The following CDH20 variants were observed in gnomAD, a reference collection of about 807,000 sequenced individuals.
The protein encoded by CDH20 is cadherin-20.
In CDH20, 29 loss-of-function variants were observed where a neutral mutation model predicts 74.2. The ratio of observed to expected loss-of-function variants is 0.39; its 90% CI spans 0.29 to 0.53. The LOEUF is 0.53. Among genes scored for constraint, CDH20 ranks in the 20% least tolerant of loss-of-function variants. The pLI is 0.69. For missense variants in CDH20, 988 were observed against 1,048.3 expected (o/e 0.94, Z 0.79); for synonymous variants, 469 against 405.4 (o/e 1.16, Z -1.88).
chr18:61,463,427 C>A (rs1909855231), intron 1 of CDH20, among the ~76,000 whole-genome samples: 1 of 152,026 alleles, frequency 6.6e-6, no homozygotes, highest in African/African-American at 2.4e-5. Flanking sequence ...AGAGTGTAGT[C>A]AAGATTGTTG....
At chr18:61,339,044 T>C (rs74945060) in intron 1 of CDH20, among the ~76,000 whole-genome samples, 2,255 of 152,320 alleles carry the variant, frequency 0.015, 24 homozygotes, top group Middle Eastern at 0.031. Context: ...TTCTTGTTAC[T>C]TTGAATTATT....
At chr18:61,449,656 T>C (rs1909316017) in intron 1 of CDH20, among the ~76,000 whole-genome samples, 1 of 152,076 alleles carries the variant, frequency 6.6e-6, no homozygotes. Flanking sequence ...TTTAAGTTAA[T>C]GGAATCATAA....
chr18:61,387,659 T>C (rs1270726092), intron 1 of CDH20, among the ~76,000 whole-genome samples: 2 of 152,176 alleles, frequency 1.3e-5, no homozygotes, highest in African/African-American at 2.4e-5. Context: ...TTATTCTAAA[T>C]ATCTACAGAA....
intron 1 of CDH20, among the ~76,000 whole-genome samples, chr18:61,433,276 G>A (rs1338557330): frequency 6.6e-6 from 1 of 152,150 alleles, no homozygotes; most frequent in African/African-American, 2.4e-5. Context: ...TATGTGTTTA[G>A]TCAAACATCT....
At chr18:61,464,713 G>A (rs1422745379) in intron 1 of CDH20, among the ~76,000 whole-genome samples, 1 of 152,126 alleles carries the variant, frequency 6.6e-6, no homozygotes, top group Non-Finnish European at 1.5e-5. Flanking sequence ...AAGCCACAGG[G>A]GACTGAAAGC....
chr18:61,350,485 C>T (rs1910267839), intron 1 of CDH20, among the ~76,000 whole-genome samples: 2 of 151,998 alleles, frequency 1.3e-5, no homozygotes, highest in Non-Finnish European at 2.9e-5. Flanking sequence ...ACCCTTAATC[C>T]AAAGGAACCA....
intron 1 of CDH20, among the ~76,000 whole-genome samples, chr18:61,370,559 T>C (rs976412659): frequency 6.6e-6 from 1 of 152,138 alleles, no homozygotes; most frequent in Non-Finnish European, 1.5e-5. Context: ...ACATACATTG[T>C]GAATAATCAC....
chr18:61,363,671 T>G (rs1271625536), intron 1 of CDH20, among the ~76,000 whole-genome samples: 7 of 152,194 alleles, frequency 4.6e-5, no homozygotes, highest in African/African-American at 1.2e-4. Context: ...TTGTGCTACA[T>G]GCCAAAAGAG....
intron 1 of CDH20, among the ~76,000 whole-genome samples, chr18:61,362,998 T>C (rs2144138302): frequency 6.6e-6 from 1 of 152,268 alleles, no homozygotes; most frequent in South Asian, 2.1e-4. Context: ...TTAAATGTCC[T>C]GGAGAAGTTG....
At chr18:61,431,317 A>G (rs1913246585) in intron 1 of CDH20, among the ~76,000 whole-genome samples, 1 of 152,196 alleles carries the variant, frequency 6.6e-6, no homozygotes, top group Non-Finnish European at 1.5e-5. Context: ...AAGAAATATC[A>G]TGACTAAATG....
intron 10 of CDH20, among the ~76,000 whole-genome samples, chr18:61,545,458 T>C (rs1913214903): frequency 6.6e-6 from 1 of 151,976 alleles, no homozygotes; most frequent in Non-Finnish European, 1.5e-5. Flanking sequence ...CAGAGAACCC[T>C]TTGCCAACTC....
intron 1 of CDH20, among the ~76,000 whole-genome samples, chr18:61,361,817 T>C (rs1326144235): frequency 6.6e-6 from 1 of 152,192 alleles, no homozygotes; most frequent in African/African-American, 2.4e-5. Flanking sequence ...ACATAATAGA[T>C]TAGAAAATAA....
chr18:61,540,444 T>TGGGGAGGCCTCACAATCACGG (rs1912988829), intron 9 of CDH20, among the ~76,000 whole-genome samples: 1 of 152,088 alleles, frequency 6.6e-6, no homozygotes, highest in Non-Finnish European at 1.5e-5. Context: ...TCCACGTGGC[T>TGGGGAGGCCTCACAATCACGG]GGGGAGGCCT....
chr18:61,479,817 C>T (rs1425668208), intron 1 of CDH20, among the ~76,000 whole-genome samples: 1 of 152,144 alleles, frequency 6.6e-6, no homozygotes, highest in Non-Finnish European at 1.5e-5. Context: ...TAAGCAACTG[C>T]TATTCTGGGC....
intron 6 of CDH20, among the ~76,000 whole-genome samples, chr18:61,525,086 G>C (rs1049834924): frequency 6.6e-6 from 1 of 151,442 alleles, no homozygotes; most frequent in South Asian, 2.1e-4. Context: ...TTTGCCAGGG[G>C]CTGGGTGGGA....
intron 1 of CDH20, among the ~76,000 whole-genome samples, chr18:61,386,695 T>C (rs1911611091): frequency 6.6e-6 from 1 of 152,178 alleles, no homozygotes; most frequent in Admixed American, 6.5e-5. Context: ...GAAGAATGGT[T>C]CAATTAATTT....
At chr18:61,346,766 G>A (rs893815497) in intron 1 of CDH20, among the ~76,000 whole-genome samples, 1 of 152,216 alleles carries the variant, frequency 6.6e-6, no homozygotes, top group South Asian at 2.1e-4. Context: ...TTACAGTTGA[G>A]TAGGTGAGTG....
intron 1 of CDH20, among the ~76,000 whole-genome samples, chr18:61,412,059 GC>G (rs1209713233): frequency 6.7e-6 from 1 of 149,932 alleles, no homozygotes; most frequent in Non-Finnish European, 1.5e-5. Flanking sequence ...CACATTTATG[GC>G]AAAAAAAAAG....
intron 1 of CDH20, among the ~76,000 whole-genome samples, chr18:61,403,902 T>C (rs1912239264): frequency 6.6e-6 from 1 of 152,072 alleles, no homozygotes; most frequent in Non-Finnish European, 1.5e-5. Context: ...TATGCAGCCA[T>C]AAAAAGGGAT....
Sources: gnomAD v4.1 joint callset for allele counts (sites outside exome capture counted in the v4.1 genomes callset) on GRCh38, gnomAD v4.1.1 for gene constraint, MANE v1.5 for transcripts, NCBI Gene and HGNC (gene_info 2026-07-23, HGNC 2026-07-21) for gene names.